Variants in AGMO observed in about 807,000 individuals in gnomAD.
AGMO encodes glyceryl-ether monooxygenase.
AGMO carries 75 observed loss-of-function variants against 60.2 expected under a neutral mutation model. That is an observed-to-expected ratio of 1.25 (90% CI 1.03 to 1.51). The LOEUF (loss-of-function observed/expected upper bound fraction) is 1.51, where lower values mean the gene tolerates loss of function less well. Ranked by LOEUF, AGMO falls within the 40% of genes most tolerant of loss-of-function variation. The pLI, the probability that AGMO is intolerant of heterozygous loss-of-function variation, is 0.00. For synonymous variants in AGMO, 261 were observed against 177.1 expected (o/e 1.47, Z -3.76); for missense variants, 763 against 525.5 (o/e 1.45, Z -4.42).
chr7:15,552,150 A>ATACAAACTGGAT (rs1784980868), intron 2 of AGMO, among the ~76,000 whole-genome samples: 1 of 152,122 alleles, frequency 6.6e-6, no homozygotes. Flanking sequence ...CCTTCCTTAC[A>ATACAAACTGGAT]CCCTATACAA....
intron 12 of AGMO, among the ~76,000 whole-genome samples, chr7:15,300,535 G>A (rs1784535780): frequency 6.6e-6 from 1 of 152,082 alleles, no homozygotes. Flanking sequence ...GCTTGCTACA[G>A]TTATTTTAAA....
At chr7:15,550,862 C>A (rs1784934437) in intron 2 of AGMO, among the ~76,000 whole-genome samples, 1 of 139,618 alleles carries the variant, frequency 7.2e-6, no homozygotes, top group Non-Finnish European at 1.5e-5. Context: ...GAGACACAAC[C>A]AAAAAAGAGA....
At chr7:15,306,639 G>T in intron 12 of AGMO, 1 of 396,944 alleles carries the variant, frequency 2.5e-6, no homozygotes, top group South Asian at 1.9e-5. Flanking sequence ...TATGGTTTAT[G>T]GCACTATTAA....
At chr7:15,413,185 ATATT>A (rs1004944594) in intron 5 of AGMO, among the ~76,000 whole-genome samples, 8 of 152,228 alleles carry the variant, frequency 5.3e-5, no homozygotes, top group Non-Finnish European at 8.8e-5. Context: ...TAAATGTATA[ATATT>A]TAATGTGAGA....
At chr7:15,548,756 A>G (rs1384540378) in intron 2 of AGMO, among the ~76,000 whole-genome samples, 1 of 152,222 alleles carries the variant, frequency 6.6e-6, no homozygotes, top group African/African-American at 2.4e-5. Flanking sequence ...GATATTATCC[A>G]GGAGAACTTC....
At chr7:15,172,061 A>G in the AGMO span, among the ~76,000 whole-genome samples, 1 of 152,306 alleles carries the variant, frequency 6.6e-6, no homozygotes, top group Non-Finnish European at 1.5e-5. Flanking sequence ...ATTCCCACAC[A>G]AAGACATGCT....
At chr7:15,449,026 C>T (rs111464197) in intron 3 of AGMO, among the ~76,000 whole-genome samples, 11 of 152,010 alleles carry the variant, frequency 7.2e-5, no homozygotes, top group African/African-American at 1.7e-4. Flanking sequence ...GCATTCTTTC[C>T]GGAGTTATGA....
Position 15,543,423 on chromosome 7 carries a change from A to C in AGMO, c.409+1349T>G, listed in dbSNP as rs543849395. 6.6e-5 allele frequency among the ~76,000 whole-genome samples: 10 copies of C among 152,308 alleles called. No individual in the cohort carries two copies. The South Asian group carries it at 2.1e-3, about 32-fold the overall frequency. ...GAATCCCAAAAAGCAAATTCAGTGA[A>C]CCAGTGCAGTAAGAGGGCTTTTGCA... On this transcript the variant is annotated intron_variant, in intron 3 of 12. Transcript: ENST00000342526.
intron 12 of AGMO, among the ~76,000 whole-genome samples, chr7:15,269,652 G>C (rs900218298): frequency 6.6e-6 from 1 of 152,084 alleles, no homozygotes; most frequent in African/African-American, 2.4e-5. Flanking sequence ...ACATGTGCAA[G>C]TTTGTTGCAC....
chr7:15,464,749 C>A (rs1782234349), intron 3 of AGMO, among the ~76,000 whole-genome samples: 1 of 152,190 alleles, frequency 6.6e-6, no homozygotes. Flanking sequence ...GTTGTGAGCA[C>A]AGGCTTTCTT....
chr7:15,497,788 A>G (rs1462882905), intron 3 of AGMO, among the ~76,000 whole-genome samples: 1 of 152,096 alleles, frequency 6.6e-6, no homozygotes, highest in African/African-American at 2.4e-5. Flanking sequence ...ATCAACATAA[A>G]AAAGCATTTT....
At chr7:15,273,046 G>A (rs1040457771) in intron 12 of AGMO, among the ~76,000 whole-genome samples, 1 of 152,098 alleles carries the variant, frequency 6.6e-6, no homozygotes, top group Non-Finnish European at 1.5e-5. Context: ...CAGATTAGTA[G>A]ATTGCAAAAA....
chr7:15,529,656 C>CTATTTTTTT (rs1784240083), intron 3 of AGMO, among the ~76,000 whole-genome samples: 1 of 27,098 alleles, frequency 3.7e-5, no homozygotes, highest in Non-Finnish European at 6.2e-5. Flanking sequence ...ACTATATATT[C>CTATTTTTTT]TATATATATT....
chr7:15,129,307 T>G, the AGMO span, among the ~76,000 whole-genome samples: 20 of 132,396 alleles, frequency 1.5e-4, no homozygotes, highest in African/African-American at 4.7e-4. Flanking sequence ...CAGTTGTATA[T>G]CCAGCTTCTC....
At chr7:15,309,716 AGTT>A (rs1340674239) in intron 12 of AGMO, among the ~76,000 whole-genome samples, 1 of 152,136 alleles carries the variant, frequency 6.6e-6, no homozygotes, top group Non-Finnish European at 1.5e-5. Flanking sequence ...AAATAACCTT[AGTT>A]ATTATTATAT....
At chr7:15,441,035 G>A (rs917320323) in intron 3 of AGMO, among the ~76,000 whole-genome samples, 2 of 152,134 alleles carry the variant, frequency 1.3e-5, no homozygotes, top group South Asian at 2.1e-4. Flanking sequence ...TTTGTTAGGG[G>A]ATCCTAAATA....
intron 4 of AGMO, among the ~76,000 whole-genome samples, chr7:15,428,334 C>T (rs1781128853): frequency 6.6e-6 from 1 of 152,094 alleles, no homozygotes; most frequent in Non-Finnish European, 1.5e-5. Context: ...TCTCATTTCC[C>T]ACCATGCAAG....
At chr7:15,358,810 C>CTGTCTTAAT (rs1462196384) in intron 12 of AGMO, among the ~76,000 whole-genome samples, 1 of 152,124 alleles carries the variant, frequency 6.6e-6, no homozygotes, top group Non-Finnish European at 1.5e-5. Context: ...TCTGTTCTAC[C>CTGTCTTAAT]TGTCTTAATT....
At chr7:15,219,384 C>T (rs1583301271) in intron 12 of AGMO, among the ~76,000 whole-genome samples, 1 of 151,832 alleles carries the variant, frequency 6.6e-6, no homozygotes, top group East Asian at 1.9e-4. Context: ...ATTACATTAA[C>T]TAATATTTAA....
Sources: allele counts gnomAD v4.1 joint callset (sites outside exome capture counted in the v4.1 genomes callset), GRCh38; gene constraint gnomAD v4.1.1; transcripts MANE v1.5; gene names NCBI Gene and HGNC (gene_info 2026-07-23, HGNC 2026-07-21).